Variants in PTPRK observed in about 807,000 individuals in gnomAD.
PTPRK encodes the protein receptor-type tyrosine-protein phosphatase kappa.
A neutral mutation model predicts 178.0 loss-of-function variants in PTPRK; 75 were observed. The ratio of observed to expected loss-of-function variants is 0.42; its 90% CI spans 0.35 to 0.51. PTPRK has a LOEUF of 0.51. Among genes scored for constraint, PTPRK ranks in the 20% least tolerant of loss-of-function variants. PTPRK has a pLI of 0.02. For synonymous variants in PTPRK, 637 were observed against 620.6 expected, an observed-to-expected ratio of 1.03 and a Z score of -0.39; for missense variants, 1,441 against 1,797.8, an observed-to-expected ratio of 0.80 and a Z score of 3.59.
At chr6:128,238,087 A>G (rs1813645314) in intron 5 of PTPRK, 3 of 445,994 alleles carry the variant, frequency 6.7e-6, no homozygotes, top group Non-Finnish European at 1.3e-5. Context: ...ATAGCTTTTG[A>G]ATAAATTAAG....
At chr6:128,458,272 G>C (rs917731381) in intron 1 of PTPRK, among the ~76,000 whole-genome samples, 1 of 152,166 alleles carries the variant, frequency 6.6e-6, no homozygotes, top group Middle Eastern at 3.2e-3. Context: ...CCAGTATACA[G>C]AGAGCAGATG....
intron 24 of PTPRK, 145 bp from the exon 25 acceptor site, chr6:127,981,434 A>T (rs1775328120): frequency 1.5e-6 from 1 of 662,910 alleles, no homozygotes; most frequent in South Asian, 2.3e-5. Flanking sequence ...AGGCTGATAG[A>T]CCTTGTAGTT....
At chr6:128,019,316 T>C (rs564396308) in intron 13 of PTPRK, among the ~76,000 whole-genome samples, 14 of 152,248 alleles carry the variant, frequency 9.2e-5, no homozygotes, top group African/African-American at 3.1e-4. Context: ...AGGAGTAATG[T>C]TTAACACTGC....
intron 3 of PTPRK, among the ~76,000 whole-genome samples, chr6:128,309,100 G>T (rs1826869081): frequency 6.6e-6 from 1 of 152,134 alleles, no homozygotes; most frequent in African/African-American, 2.4e-5. Flanking sequence ...TTACAACCCT[G>T]CTAGAGAACA....
intron 2 of PTPRK, among the ~76,000 whole-genome samples, chr6:128,346,577 T>A (rs1832463452): frequency 6.6e-6 from 1 of 152,150 alleles, no homozygotes; most frequent in Non-Finnish European, 1.5e-5. Flanking sequence ...AAAATTCTAT[T>A]TCTCTCAGTA....
intron 6 of PTPRK, among the ~76,000 whole-genome samples, chr6:128,198,153 A>G (rs1036569300): frequency 6.6e-6 from 1 of 152,192 alleles, no homozygotes; most frequent in Non-Finnish European, 1.5e-5. Flanking sequence ...AACACTATAA[A>G]ATGGTTATTG....
chr6:128,159,907 G>T (rs1222417377), intron 7 of PTPRK, among the ~76,000 whole-genome samples: 1 of 151,628 alleles, frequency 6.6e-6, no homozygotes, highest in African/African-American at 2.4e-5. Context: ...AAAAAATTTA[G>T]CAAAAGGTCT....
At chr6:128,206,994 T>C (rs1283602389) in intron 6 of PTPRK, among the ~76,000 whole-genome samples, 1 of 152,174 alleles carries the variant, frequency 6.6e-6, no homozygotes, top group Non-Finnish European at 1.5e-5. Context: ...GATATGCTAC[T>C]TGCTTCCTTC....
At chr6:128,423,922 A>C (rs954986196) in intron 1 of PTPRK, among the ~76,000 whole-genome samples, 5 of 151,986 alleles carry the variant, frequency 3.3e-5, no homozygotes, top group African/African-American at 1.2e-4. Flanking sequence ...TATGTGGTGC[A>C]AAAAAAGGTT....
At chr6:128,005,280 T>C (rs1778287073) in intron 14 of PTPRK, 36 bp from the exon 15 acceptor site, 1 of 1,606,678 alleles carries the variant, frequency 6.2e-7, no homozygotes, top group African/African-American at 1.3e-5. Flanking sequence ...TCCTTAGTGT[T>C]TGAGGCTTGC....
At chr6:128,033,661 C>T (rs1327047600) in intron 13 of PTPRK, among the ~76,000 whole-genome samples, 1 of 152,034 alleles carries the variant, frequency 6.6e-6, no homozygotes, top group African/African-American at 2.4e-5. Flanking sequence ...TGCTTGAGCC[C>T]AGGAGTTTGA....
intron 2 of PTPRK, among the ~76,000 whole-genome samples, chr6:128,375,057 G>GTAT (rs1836830810): frequency 8.6e-6 from 1 of 115,690 alleles, no homozygotes; most frequent in Non-Finnish European, 1.8e-5. Flanking sequence ...TAGAAACACT[G>GTAT]CATTATTATT....
rs9491941 is a variant in PTPRK at position 128,388,465 on chromosome 6, A to T, written c.223+9101T>A. 4.9e-3 allele frequency among the ~76,000 whole-genome samples: 748 copies of T among 152,318 alleles called. 4 individuals are homozygous for T. Among genetic ancestry groups the T allele is most frequent in the African/African-American group, 0.017 (726 of 41,566 alleles). On this transcript the variant is annotated intron_variant, in intron 2 of 29. Coordinates refer to ENST00000368226, the MANE Select transcript of PTPRK (RefSeq NM_002844.4). ...GAAAGTAGCCTTCCTTATGGTTTAA[A>T]CACATTTGTAGTTGTGCTTCCCATT... is the stretch of plus-strand genomic sequence containing the variant.
intron 1 of PTPRK, among the ~76,000 whole-genome samples, chr6:128,489,332 T>A (rs149152699): frequency 6.6e-6 from 1 of 152,312 alleles, no homozygotes; most frequent in African/African-American, 2.4e-5. Flanking sequence ...CCAAAGGCAG[T>A]TTATGTTTAT....
At chr6:128,081,072 C>T (rs1159892603) in intron 10 of PTPRK, among the ~76,000 whole-genome samples, 1 of 151,882 alleles carries the variant, frequency 6.6e-6, no homozygotes. Flanking sequence ...GTTCAATGTT[C>T]TCAGTTTTGT....
At chr6:127,985,461 T>C (rs1192207000) in intron 22 of PTPRK, among the ~76,000 whole-genome samples, 1 of 152,232 alleles carries the variant, frequency 6.6e-6, no homozygotes, top group Non-Finnish European at 1.5e-5. Flanking sequence ...ACACAGATGT[T>C]GCCATTAAAA....
chr6:128,387,102 G>C (rs1287410867), intron 2 of PTPRK, among the ~76,000 whole-genome samples: 2 of 152,052 alleles, frequency 1.3e-5, no homozygotes, highest in East Asian at 3.9e-4. Flanking sequence ...AAAAACAAAA[G>C]GATACCACTT....
intron 2 of PTPRK, among the ~76,000 whole-genome samples, chr6:128,355,783 A>T (rs1833874610): frequency 2.0e-5 from 3 of 152,160 alleles, no homozygotes; most frequent in Admixed American, 1.3e-4. Flanking sequence ...GTACCCTAAA[A>T]CTTAAAGTAC....
intron 6 of PTPRK, among the ~76,000 whole-genome samples, chr6:128,205,965 A>G (rs1334921302): frequency 6.6e-6 from 1 of 151,982 alleles, no homozygotes; most frequent in Non-Finnish European, 1.5e-5. Flanking sequence ...TTAGTTAGAA[A>G]TACAAAAACA....
Sources: allele counts gnomAD v4.1 joint callset (sites outside exome capture counted in the v4.1 genomes callset), GRCh38; gene constraint gnomAD v4.1.1; transcripts MANE v1.5; gene names NCBI Gene and HGNC (gene_info 2026-07-23, HGNC 2026-07-21).